Variants in ERN1 observed in about 807,000 individuals in gnomAD.
ERN1 encodes serine/threonine-protein kinase/endoribonuclease IRE1.
Under a neutral mutation model 113.1 loss-of-function variants are expected in ERN1, and 39 were observed. The ratio of observed to expected loss-of-function variants is 0.34; its 90% CI spans 0.27 to 0.45. The LOEUF is 0.45. Ranked by LOEUF, ERN1 falls within the 20% of genes least tolerant of loss-of-function variation. The probability of loss-of-function intolerance (pLI) is 1.00; values close to 1 mark genes in which losing one functional copy is unlikely to be tolerated. For synonymous variants in ERN1, 507 were observed against 515.9 expected (o/e 0.98, Z 0.23); for missense variants, 976 against 1,274.8 (o/e 0.77, Z 3.57).
At chr17:64,090,307 C>T (rs951727869) in intron 2 of ERN1, among the ~76,000 whole-genome samples, 8 of 152,198 alleles carry the variant, frequency 5.3e-5, no homozygotes, top group South Asian at 2.1e-4. Context: ...AAGACGATCA[C>T]ATAGAAATGA....
At chr17:64,081,982 AC>A (rs1913782151) in intron 2 of ERN1, among the ~76,000 whole-genome samples, 1 of 152,198 alleles carries the variant, frequency 6.6e-6, no homozygotes, top group Admixed American at 6.5e-5. Flanking sequence ...CATGCTATAC[AC>A]AACTTAATCT....
At position 64,044,204 on chromosome 17, in the gene ERN1, CAA is replaced by C. The variant is rs1367508178; in HGVS notation, c.2722-6_2722-5del. On this transcript the variant is annotated splice_polypyrimidine_tract_variant and splice_region_variant and intron_variant, in intron 21 of 21. Coordinates refer to ENST00000433197, the MANE Select transcript of ERN1 (RefSeq NM_001433.5). This position sits in a 1 kb window ranked among gnomAD's most constrained non-coding sequence, Gnocchi z 4.1. ...GCAGCTCCCGGTAGTGGTGCTTCTG[CAA>C]AGAGTTAGAAAGCTCGGGAGATTAG... The C allele has an allele frequency of 4.6e-6, 7 of 1,522,614 alleles. No individual in the cohort carries two copies. The highest frequency in any genetic ancestry group is 5.3e-6 in the Non-Finnish European group (6 of 1,131,048). The allele number at this position is 1,522,614 out of a possible 1,614,324, so 94.3% of individuals were successfully genotyped here.
chr17:64,079,866 T>C (rs1913714201), intron 3 of ERN1, 132 bp from the exon 4 acceptor site: 2 of 644,582 alleles, frequency 3.1e-6, no homozygotes, highest in Middle Eastern at 2.5e-4. Flanking sequence ...TAAGTGAGTA[T>C]ATAAGACAAT....
Position 64,066,852 on chromosome 17 carries a change from T to C in ERN1, c.661A>G (p.Asn221Asp). 1 of 1,613,886 alleles carries C rather than the reference T, an allele frequency of 6.2e-7. No individual in the cohort carries two copies. Among genetic ancestry groups the C allele is most frequent in the Non-Finnish European group, 8.5e-7 (1 of 1,179,852 alleles). The change falls in exon 8 of 22, where the codon AAC becomes GAC. Residue 221 changes from asparagine (N) to aspartate (D), a missense_variant. Physicochemically the swap from Asn to Asp is conservative, Grantham distance 23 (BLOSUM62 1). This residue lies in a region of ERN1 where 459 missense variants were observed against 581.2 expected (regional missense o/e 0.79). Transcript: ENST00000433197. ...AAGGCCACCACAGGGGAGGCGTAGT[T>C]TTGGATCCACAGGACGTCCCCAGAT... ...SESGDVLWIQNYASPVVAFYV... is the reference protein window; with the variant it reads ...SESGDVLWIQDYASPVVAFYV...
At chr17:64,084,019 C>T (rs963860903) in intron 2 of ERN1, among the ~76,000 whole-genome samples, 4 of 152,176 alleles carry the variant, frequency 2.6e-5, no homozygotes, top group African/African-American at 9.7e-5. Flanking sequence ...TTTCTTCTCA[C>T]TCAGAGAGCA....
chr17:64,073,959 C>G (rs1442406584), intron 5 of ERN1, among the ~76,000 whole-genome samples: 1 of 152,222 alleles, frequency 6.6e-6, no homozygotes, highest in African/African-American at 2.4e-5. Context: ...TTTGCTAATG[C>G]TATACCTCTA....
intron 17 of ERN1, among the ~76,000 whole-genome samples, chr17:64,050,867 T>C (rs937035814): frequency 1.3e-5 from 2 of 152,226 alleles, no homozygotes; most frequent in African/African-American, 4.8e-5. Flanking sequence ...GACCAGCTGC[T>C]GGTCCCCAGT....
At chr17:64,050,027 A>T (rs1912633210) in intron 17 of ERN1, among the ~76,000 whole-genome samples, 1 of 152,152 alleles carries the variant, frequency 6.6e-6, no homozygotes, top group Non-Finnish European at 1.5e-5. Flanking sequence ...ACTCTCATTC[A>T]GCCTCACAAC....
intron 9 of ERN1, 102 bp from the exon 10 acceptor site, chr17:64,064,253 C>A: frequency 1.5e-6 from 2 of 1,300,694 alleles, no homozygotes; most frequent in Admixed American, 2.5e-5. Context: ...ATTTCTAGTG[C>A]AGGGCTAGTC....
At chr17:64,128,581 T>G (rs1004955157) in intron 1 of ERN1, among the ~76,000 whole-genome samples, 1 of 152,210 alleles carries the variant, frequency 6.6e-6, no homozygotes, top group African/African-American at 2.4e-5. Context: ...CTTGACGTTA[T>G]GAAATGATCG....
At chr17:64,057,695 G>C (rs1458642739) in intron 12 of ERN1, 107 bp downstream of exon 12, 8 of 1,102,042 alleles carry the variant, frequency 7.3e-6, no homozygotes, top group Admixed American at 4.1e-5. Flanking sequence ...TTTTAAATGG[G>C]GAAAGAAATG....
chr17:64,069,508 A>C (rs987714306), intron 6 of ERN1, among the ~76,000 whole-genome samples: 2 of 152,244 alleles, frequency 1.3e-5, no homozygotes, highest in Non-Finnish European at 2.9e-5. Context: ...TGAGAGCACT[A>C]TATTAGGGAA....
At chr17:64,053,133 A>T in intron 16 of ERN1, 139 bp downstream of exon 16, 1 of 907,116 alleles carries the variant, frequency 1.1e-6, no homozygotes. Context: ...TCAAATTCTT[A>T]CACCACTCAT....
chr17:64,070,134 C>A (rs1425828374), intron 6 of ERN1, among the ~76,000 whole-genome samples: 1 of 152,120 alleles, frequency 6.6e-6, no homozygotes, highest in Non-Finnish European at 1.5e-5. Flanking sequence ...CATTTTTACT[C>A]AAGAGGGAGC....
chr17:64,068,191 G>A lies in ERN1; in HGVS notation c.579C>T (p.Tyr193=). The A allele has an allele frequency of 6.2e-7, 1 of 1,603,626 alleles. No homozygotes were observed. Among genetic ancestry groups the A allele is most frequent in the Non-Finnish European group, 8.5e-7 (1 of 1,174,150 alleles). The change falls in exon 7 of 22, where the codon TAC becomes TAT. Residue 193 remains tyrosine, a splice_region_variant and synonymous_variant. Transcript: ENST00000433197. ...TGAAATCCAGCAGAGAGCACTTACT[G>A]TAGTCCACGTCGTCCTCAGGCAGTG... The part of the protein sequence containing the change: ...AASLPEDDVD[Y]KMSHFVSNGD...
intron 2 of ERN1, among the ~76,000 whole-genome samples, chr17:64,089,205 G>C (rs1398147990): frequency 6.6e-6 from 1 of 151,040 alleles, no homozygotes; most frequent in East Asian, 2.0e-4. Flanking sequence ...TGTAGTCCCA[G>C]CTACTCAGGA....
chr17:64,044,820 G>A lies in ERN1; in HGVS notation c.2721+40C>T. 7.7e-7 allele frequency: 1 copy of A among 1,298,972 alleles called. No homozygotes were observed. The highest frequency in any genetic ancestry group is 1.1e-6 in the Non-Finnish European group (1 of 913,222). 80.5% of individuals were successfully genotyped at this position (1,298,972 alleles called of 1,614,324 possible). A position where few individuals can be genotyped will look rare whatever the true frequency, so the allele number is the denominator to read the frequency against. On this transcript the variant is annotated intron_variant, in intron 21 of 21. Coordinates refer to ENST00000433197, the MANE Select transcript of ERN1 (RefSeq NM_001433.5). The surrounding 1 kb of genome is among the most constrained non-coding windows in gnomAD (Gnocchi z 4.1). ...GAAAGGAGGAAGGTGTCCATGTCAT[G>A]GCCACTGGGTCTCCTCCCCAGCATT...
At chr17:64,074,116 T>C (rs1342875916) in intron 5 of ERN1, among the ~76,000 whole-genome samples, 3 of 152,196 alleles carry the variant, frequency 2.0e-5, no homozygotes, top group Admixed American at 6.5e-5. Flanking sequence ...ACCTTTTCCA[T>C]CTAGCATGAC....
At position 64,054,890 on chromosome 17, in the gene ERN1, T is replaced by G; in HGVS notation, c.1673-62A>C. 2 of 1,243,448 alleles carry G rather than the reference T, an allele frequency of 1.6e-6. No homozygotes were observed. The highest frequency in any genetic ancestry group is 2.3e-6 in the Non-Finnish European group (2 of 874,766). The allele number at this position is 1,243,448 out of a possible 1,614,324, so 77.0% of individuals were successfully genotyped here. ...GATATCACCTAAAGAACCTTGAGGT[T>G]AACATAGTGACAAGCTTCCTGACCT... On this transcript the variant is annotated intron_variant, in intron 13 of 21. Transcript: ENST00000433197. This position sits in a 1 kb window ranked among gnomAD's most constrained non-coding sequence, Gnocchi z 4.9.
Sources: gnomAD v4.1 joint callset for allele counts (sites outside exome capture counted in the v4.1 genomes callset) on GRCh38, gnomAD v4.1.1 for gene constraint, gnomAD v4.1.1 regional missense constraint, Gnocchi (gnomAD v3.1) non-coding constraint, MANE v1.5 for transcripts, NCBI Gene and HGNC (gene_info 2026-07-23, HGNC 2026-07-21) for gene names.